The following DAB1 variants were observed in gnomAD, a reference collection of about 807,000 sequenced individuals.
The protein encoded by DAB1 is DAB adaptor protein 1.
In DAB1, 15 loss-of-function variants were observed where a neutral mutation model predicts 64.6. That is an observed-to-expected ratio of 0.23 (90% CI 0.16 to 0.36). The LOEUF is 0.36. DAB1 is among the 10% of genes least tolerant of loss of function. The pLI is 1.00. For synonymous variants in DAB1, 235 were observed against 251.9 expected (o/e 0.93, Z 0.64); for missense variants, 596 against 706.7 (o/e 0.84, Z 1.78).
intron 3 of DAB1, among the ~76,000 whole-genome samples, chr1:58,459,580 G>A (rs706462): frequency 0.87 from 132,782 of 152,314 alleles, 58,603 homozygotes; most frequent in African/African-American, 0.94. Flanking sequence ...GAAAAAGAGA[G>A]GGAACAAAAA....
At chr1:57,029,610 A>C (rs1348253563) in intron 9 of DAB1, among the ~76,000 whole-genome samples, 1 of 152,174 alleles carries the variant, frequency 6.6e-6, no homozygotes, top group Admixed American at 6.5e-5. Flanking sequence ...GCCACAGGGG[A>C]AGGGCTGCCC....
At chr1:57,218,109 C>T (rs879592370) in intron 2 of DAB1, among the ~76,000 whole-genome samples, 6 of 152,082 alleles carry the variant, frequency 3.9e-5, no homozygotes, top group Non-Finnish European at 7.4e-5. Context: ...CTTGAAGAGC[C>T]GTCTGAGTTG....
At chr1:58,545,976 T>C (rs1330235390) in intron 1 of DAB1, among the ~76,000 whole-genome samples, 2 of 152,136 alleles carry the variant, frequency 1.3e-5, no homozygotes, top group Non-Finnish European at 2.9e-5. Context: ...TTAGCGAGGG[T>C]TGCACGACCT....
intron 1 of DAB1, among the ~76,000 whole-genome samples, chr1:57,858,612 G>T (rs185947400): frequency 6.6e-6 from 1 of 151,628 alleles, no homozygotes; most frequent in Admixed American, 6.6e-5. Flanking sequence ...TGCTTGTTAG[G>T]GGGTGGCTGA....
intron 3 of DAB1, chr1:58,468,355 C>T (rs1417401745): frequency 6.6e-6 from 1 of 152,160 alleles, no homozygotes; most frequent in African/African-American, 2.4e-5. Flanking sequence ...TTTGTTTTTG[C>T]TCAACATTAT....
intron 6 of DAB1, among the ~76,000 whole-genome samples, chr1:57,726,968 C>T (rs1219333293): frequency 6.6e-6 from 1 of 152,142 alleles, no homozygotes; most frequent in Non-Finnish European, 1.5e-5. Flanking sequence ...CAAAGGAGTG[C>T]TCTGTAGGTT....
chr1:58,158,532 T>C (rs1183102820), intron 4 of DAB1, among the ~76,000 whole-genome samples: 1 of 151,652 alleles, frequency 6.6e-6, no homozygotes, highest in Non-Finnish European at 1.5e-5. Context: ...AGACAAGGGG[T>C]CATCCATCAC....
chr1:57,909,626 T>C (rs1049272442), intron 5 of DAB1, among the ~76,000 whole-genome samples: 14 of 152,192 alleles, frequency 9.2e-5, no homozygotes, highest in African/African-American at 3.4e-4. Flanking sequence ...GGGTAATAAG[T>C]GTTGCTGATT....
intron 5 of DAB1, among the ~76,000 whole-genome samples, chr1:57,950,044 C>T (rs898312028): frequency 2.6e-5 from 4 of 152,148 alleles, no homozygotes; most frequent in Non-Finnish European, 5.9e-5. Flanking sequence ...TAAACCTCTT[C>T]CTTGCAAGAC....
chr1:57,655,765 T>A (rs1303596679), intron 6 of DAB1, among the ~76,000 whole-genome samples: 6 of 152,330 alleles, frequency 3.9e-5, no homozygotes, highest in Admixed American at 6.5e-5. Context: ...GTAACTTTTG[T>A]AAAATATACA....
At chr1:57,004,419 G>C (rs1489484635) in intron 14 of DAB1, among the ~76,000 whole-genome samples, 1 of 152,250 alleles carries the variant, frequency 6.6e-6, no homozygotes, top group African/African-American at 2.4e-5. Context: ...GTGGAGCGAA[G>C]ACACTGCATG....
At chr1:58,389,375 C>A (rs544942855) in intron 3 of DAB1, among the ~76,000 whole-genome samples, 1 of 152,282 alleles carries the variant, frequency 6.6e-6, no homozygotes, top group South Asian at 2.1e-4. Flanking sequence ...GAGATCCAAG[C>A]TGCAGTAAGC....
chr1:57,308,889 G>C (rs2100725689), intron 1 of DAB1, among the ~76,000 whole-genome samples: 1 of 152,170 alleles, frequency 6.6e-6, no homozygotes, highest in South Asian at 2.1e-4. Context: ...TAGGCTTCTA[G>C]TCTAGGGCTT....
At chr1:57,868,511 T>C (rs1654399798) in intron 1 of DAB1, among the ~76,000 whole-genome samples, 1 of 152,188 alleles carries the variant, frequency 6.6e-6, no homozygotes, top group Admixed American at 6.5e-5. Context: ...TTGGAGTTAC[T>C]GACCTCTTAG....
At chr1:57,087,589 T>C (rs1285648757) in intron 4 of DAB1, among the ~76,000 whole-genome samples, 1 of 152,162 alleles carries the variant, frequency 6.6e-6, no homozygotes, top group Non-Finnish European at 1.5e-5. Flanking sequence ...AACCTCTCTC[T>C]GCAATCGGAA....
chr1:57,301,472 T>A (rs1329198888), intron 1 of DAB1, among the ~76,000 whole-genome samples: 1 of 152,148 alleles, frequency 6.6e-6, no homozygotes, highest in African/African-American at 2.4e-5. Context: ...CCTGTACTCA[T>A]CCCCGTTTCC....
intron 4 of DAB1, among the ~76,000 whole-genome samples, chr1:58,298,452 G>T (rs752057166): frequency 6.6e-6 from 1 of 152,176 alleles, no homozygotes; most frequent in Non-Finnish European, 1.5e-5. Context: ...ATGAGATGGG[G>T]TATAAACAAA....
intron 6 of DAB1, among the ~76,000 whole-genome samples, chr1:57,767,651 G>A (rs1649373084): frequency 6.6e-6 from 1 of 152,046 alleles, no homozygotes; most frequent in African/African-American, 2.4e-5. Flanking sequence ...TGGCATTATA[G>A]TGGCTACTCA....
Position 57,368,889 on chromosome 1 carries a change from G to A in DAB1, c.-137+55041C>T, listed in dbSNP as rs191517101. On this transcript the variant is annotated intron_variant, in intron 1 of 14. Coordinates refer to ENST00000371236, the MANE Select transcript of DAB1 (RefSeq NM_001365792.1). ...ACTGAATATGGGTAAACTTACCAAA[G>A]AGGTAATTTCACTTCCAACCTCCCA... is the stretch of plus-strand genomic sequence containing the variant. 1.3e-3 allele frequency among the ~76,000 whole-genome samples: 198 copies of A among 152,188 alleles called. 2 individuals are homozygous for A. Among genetic ancestry groups the A allele is most frequent in the African/African-American group, 4.4e-3 (183 of 41,538 alleles).
Sources: gnomAD v4.1 joint callset for allele counts (sites outside exome capture counted in the v4.1 genomes callset) on GRCh38, gnomAD v4.1.1 for gene constraint, MANE v1.5 for transcripts, NCBI Gene and HGNC (gene_info 2026-07-23, HGNC 2026-07-21) for gene names.